Variants in CDH8 observed in about 807,000 individuals in gnomAD.
CDH8 encodes the protein cadherin 8.
Under a neutral mutation model 68.1 loss-of-function variants are expected in CDH8, and 17 were observed. The observed-to-expected ratio is 0.25, with a 90% CI of 0.17 to 0.37. The LOEUF is 0.37. CDH8 is among the 10% of genes least tolerant of loss of function. CDH8 has a pLI of 1.00. For missense variants in CDH8, 763 were observed against 999.3 expected (o/e 0.76, Z 3.19); for synonymous variants, 372 against 365.1 (o/e 1.02, Z -0.21).
At chr16:61,836,101 G>A (rs1962562422) in intron 4 of CDH8, among the ~76,000 whole-genome samples, 1 of 151,922 alleles carries the variant, frequency 6.6e-6, no homozygotes, top group South Asian at 2.1e-4. Context: ...CAATGTTAAT[G>A]TGGTCCTAAT....
intron 4 of CDH8, among the ~76,000 whole-genome samples, chr16:61,847,471 T>A (rs1962831427): frequency 6.6e-6 from 1 of 150,506 alleles, no homozygotes. Flanking sequence ...CATCAGAGAC[T>A]AACTTTGGCT....
intron 7 of CDH8, among the ~76,000 whole-genome samples, chr16:61,801,935 CG>C (rs1289599457): frequency 7.0e-6 from 1 of 142,418 alleles, no homozygotes; most frequent in Admixed American, 6.9e-5. Context: ...ACAAAGCAGC[CG>C]GGAAGCTCCA....
chr16:61,959,307 T>C (rs1965038452), intron 2 of CDH8, among the ~76,000 whole-genome samples: 4 of 152,136 alleles, frequency 2.6e-5, no homozygotes, highest in Admixed American at 2.6e-4. Flanking sequence ...AAAGACATCA[T>C]TTAACATACT....
chr16:61,999,439 C>T (rs553517002), intron 2 of CDH8, among the ~76,000 whole-genome samples: 1 of 152,228 alleles, frequency 6.6e-6, no homozygotes, highest in South Asian at 2.1e-4. Context: ...AGGCTACTTC[C>T]ACACAGAGAG....
intron 11 of CDH8, among the ~76,000 whole-genome samples, chr16:61,654,625 G>A (rs1174683781): frequency 6.6e-6 from 1 of 152,154 alleles, no homozygotes; most frequent in Non-Finnish European, 1.5e-5. Flanking sequence ...TGGGAGGGCT[G>A]GAATGCCTCT....
chr16:61,990,056 A>G (rs1461454148), intron 2 of CDH8, among the ~76,000 whole-genome samples: 3 of 152,132 alleles, frequency 2.0e-5, no homozygotes, highest in Non-Finnish European at 4.4e-5. Flanking sequence ...AATGTACACA[A>G]TCTCTTTAAA....
intron 8 of CDH8, among the ~76,000 whole-genome samples, chr16:61,754,480 C>T (rs1960258407): frequency 6.6e-6 from 1 of 151,654 alleles, no homozygotes; most frequent in Admixed American, 6.6e-5. Flanking sequence ...CTACCAGAAG[C>T]CATTTTTTGT....
chr16:61,896,639 G>C (rs150706152), intron 3 of CDH8, among the ~76,000 whole-genome samples: 1 of 152,254 alleles, frequency 6.6e-6, no homozygotes, highest in East Asian at 1.9e-4. Context: ...TTCACACTTC[G>C]CAATGAAATA....
chr16:61,813,992 C>G (rs1016587581), intron 7 of CDH8, among the ~76,000 whole-genome samples: 2 of 152,132 alleles, frequency 1.3e-5, no homozygotes, highest in Admixed American at 1.3e-4. Context: ...CTAGATGAAT[C>G]TCTACTAAAA....
intron 2 of CDH8, among the ~76,000 whole-genome samples, chr16:61,917,227 T>A (rs186360406): frequency 1.3e-5 from 2 of 148,150 alleles, no homozygotes; most frequent in African/African-American, 5.0e-5. Context: ...AAGGTTTTTT[T>A]AAAATACCTG....
At chr16:61,954,545 C>CA (rs370489439) in intron 2 of CDH8, among the ~76,000 whole-genome samples, 1 of 151,368 alleles carries the variant, frequency 6.6e-6, no homozygotes, top group African/African-American at 2.4e-5. Context: ...ACTAAAAATA[C>CA]AAAAAAATTA....
At chr16:61,863,539 A>C (rs944782754) in intron 3 of CDH8, among the ~76,000 whole-genome samples, 17 of 152,240 alleles carry the variant, frequency 1.1e-4, no homozygotes, top group Non-Finnish European at 1.0e-4. Context: ...AGAAAGAAAA[A>C]TGCTGGTGCT....
chr16:61,847,512 C>T (rs987593750), intron 4 of CDH8, among the ~76,000 whole-genome samples: 5 of 145,466 alleles, frequency 3.4e-5, no homozygotes, highest in Non-Finnish European at 4.5e-5. Context: ...TGTTAATTAA[C>T]CCCCTTCTGT....
At chr16:61,843,432 C>A (rs1193258373) in intron 4 of CDH8, among the ~76,000 whole-genome samples, 1 of 152,140 alleles carries the variant, frequency 6.6e-6, no homozygotes, top group Non-Finnish European at 1.5e-5. Context: ...TATGATCATT[C>A]ATCCTTAGAT....
At chr16:61,735,924 T>G (rs1422648758) in intron 8 of CDH8, among the ~76,000 whole-genome samples, 1 of 151,626 alleles carries the variant, frequency 6.6e-6, no homozygotes, top group Non-Finnish European at 1.5e-5. Flanking sequence ...AATACAAAAA[T>G]TAGCTGGGCA....
chr16:61,658,406 A>T (rs1200390633), intron 10 of CDH8, among the ~76,000 whole-genome samples: 2 of 151,894 alleles, frequency 1.3e-5, no homozygotes, highest in East Asian at 3.9e-4. Context: ...AAAAATTCTT[A>T]ATTATATAAA....
intron 8 of CDH8, 51 bp from the exon 9 acceptor site, chr16:61,727,266 T>C: frequency 6.5e-7 from 1 of 1,532,268 alleles, no homozygotes; most frequent in Non-Finnish European, 8.8e-7. Context: ...CATTTTAACG[T>C]GCAACTCAAC....
At chr16:61,782,111 C>G (rs1428846660) in intron 8 of CDH8, among the ~76,000 whole-genome samples, 1 of 152,164 alleles carries the variant, frequency 6.6e-6, no homozygotes, top group Non-Finnish European at 1.5e-5. Flanking sequence ...AGGAACAGCT[C>G]CGGTCTACAG....
chr16:61,880,059 G>A (rs1963540986), intron 3 of CDH8, among the ~76,000 whole-genome samples: 1 of 151,900 alleles, frequency 6.6e-6, no homozygotes, highest in Non-Finnish European at 1.5e-5. Flanking sequence ...CTGAGTAGCT[G>A]GGACTACAGG....
Sources: gnomAD v4.1 joint callset for allele counts (sites outside exome capture counted in the v4.1 genomes callset) on GRCh38, gnomAD v4.1.1 for gene constraint, MANE v1.5 for transcripts, NCBI Gene and HGNC (gene_info 2026-07-23, HGNC 2026-07-21) for gene names.